Variants in IARS2 observed in about 807,000 individuals in gnomAD.
IARS2 encodes isoleucine--tRNA ligase, mitochondrial.
Under a neutral mutation model 126.3 loss-of-function variants are expected in IARS2, and 56 were observed. The observed-to-expected ratio is 0.44, with a 90% CI of 0.36 to 0.55. The LOEUF (loss-of-function observed/expected upper bound fraction) is 0.55, where lower values mean the gene tolerates loss of function less well. IARS2 is among the 20% of genes least tolerant of loss of function. The pLI is 0.00. For missense variants in IARS2, 1,127 were observed against 1,245.9 expected, an observed-to-expected ratio of 0.90 and a Z score of 1.44; for synonymous variants, 407 against 441.1, an observed-to-expected ratio of 0.92 and a Z score of 0.97.
chr1:220,145,586 T>C lies in IARS2; in HGVS notation c.2829T>C (p.Ala943=). The change falls in exon 22 of 23, where the codon GCT becomes GCC. Residue 943 remains alanine, a synonymous_variant. Transcript: ENST00000366922. ...LMMASESTLL[A]QEPREMTADV... is the part of the protein sequence containing the mutation. ...TGGCTTCTGAGTCAACTTTACTGGC[T>C]CAGGAACCACGAGAGATGACTGCAG... 6.2e-7 allele frequency: 1 copy of C among 1,613,866 alleles called. No homozygotes were observed. The highest frequency in any genetic ancestry group is 8.5e-7 in the Non-Finnish European group (1 of 1,179,834).
chr1:220,132,681 A>G (rs183046521), intron 14 of IARS2, among the ~76,000 whole-genome samples: 1 of 151,590 alleles, frequency 6.6e-6, no homozygotes, highest in Non-Finnish European at 1.5e-5. Context: ...GCCCGCCACC[A>G]TGCCTGGCTA....
chr1:220,134,955 G>C (rs1258430852), intron 15 of IARS2: 2 of 152,162 alleles, frequency 1.3e-5, no homozygotes, highest in Admixed American at 6.6e-5. Flanking sequence ...TTTTTTAGAG[G>C]TGCGTTCTCC....
At chr1:220,111,408 T>TA (rs1656796597) in intron 11 of IARS2, among the ~76,000 whole-genome samples, 2 of 151,976 alleles carry the variant, frequency 1.3e-5, no homozygotes, top group African/African-American at 4.8e-5. Flanking sequence ...TACAATCAAT[T>TA]AAAAAAGTTA....
At chr1:220,135,659 C>T (rs956692234) in intron 15 of IARS2, among the ~76,000 whole-genome samples, 11 of 150,938 alleles carry the variant, frequency 7.3e-5, no homozygotes, top group Non-Finnish European at 1.5e-4. Flanking sequence ...CACGCCTGGC[C>T]CTTTTACATG....
In IARS2 at chr1:220,114,317, T is replaced by A. The variant is rs1160682667; in HGVS notation, c.1483T>A (p.Leu495Met). The change falls in exon 12 of 23, where the codon TTG (leucine) becomes ATG (methionine). Residue 495 changes from leucine (L) to methionine (M), a missense_variant. Physicochemically the swap from Leu to Met is conservative, Grantham distance 15. Transcript: ENST00000366922. ...ITDIKTAAKELLKKVKFIPGS... is the reference protein window; with the variant it reads ...ITDIKTAAKEMLKKVKFIPGS... ...TTGATTTATGAATTAATTGCAGGAA[T>A]TGTTAAAAAAGGTGAAATTTATTCC... The A allele has an allele frequency of 6.2e-7, 1 of 1,612,900 alleles. No individual in the cohort carries two copies. Among genetic ancestry groups the A allele is most frequent in the South Asian group, 1.1e-5 (1 of 91,062 alleles).
At chr1:220,123,058 T>C (rs1231035264) in intron 12 of IARS2, among the ~76,000 whole-genome samples, 2 of 151,952 alleles carry the variant, frequency 1.3e-5, no homozygotes, top group African/African-American at 2.4e-5. Context: ...TGTACTTTAC[T>C]AGTATCTCTC....
At chr1:220,118,733 T>A (rs1656978416) in intron 12 of IARS2, among the ~76,000 whole-genome samples, 1 of 152,070 alleles carries the variant, frequency 6.6e-6, no homozygotes, top group African/African-American at 2.4e-5. Context: ...TTAGTAAAAA[T>A]AGCCAAGGAA....
At chr1:220,109,127 A>G (rs528807127) in intron 10 of IARS2, among the ~76,000 whole-genome samples, 1 of 152,134 alleles carries the variant, frequency 6.6e-6, no homozygotes, top group African/African-American at 2.4e-5. Flanking sequence ...CCGGCCAGGC[A>G]CGGTGGCTCA....
At chr1:220,138,586 T>C (rs1657427335) in intron 17 of IARS2, among the ~76,000 whole-genome samples, 1 of 151,488 alleles carries the variant, frequency 6.6e-6, no homozygotes, top group Non-Finnish European at 1.5e-5. Flanking sequence ...ATATAAAATG[T>C]AATATAGCAT....
chr1:220,122,226 G>C (rs1264642769), intron 12 of IARS2, among the ~76,000 whole-genome samples: 1 of 151,866 alleles, frequency 6.6e-6, no homozygotes, highest in Non-Finnish European at 1.5e-5. Context: ...CACTTTTTCC[G>C]ATGTTTATAG....
At chr1:220,096,879 T>C (rs1656454856) in intron 2 of IARS2, among the ~76,000 whole-genome samples, 1 of 152,064 alleles carries the variant, frequency 6.6e-6, no homozygotes, top group African/African-American at 2.4e-5. Flanking sequence ...ACCCCGTCTC[T>C]ACTAAAAATA....
At position 220,100,465 on chromosome 1, in the gene IARS2, G is replaced by A. The variant is rs185602064; in HGVS notation, c.391-25G>A. Reference sequence around the variant, plus strand: ...ATGGCCAAATATTTTATGTATGAATGATAATTATCATTTTATCTTTGCAGA... The same window carrying A: ...ATGGCCAAATATTTTATGTATGAATAATAATTATCATTTTATCTTTGCAGA... On this transcript the variant is annotated intron_variant, in intron 2 of 22. Transcript: ENST00000366922. 16 of 1,551,770 alleles carry A rather than the reference G, an allele frequency of 1.0e-5. No homozygotes were observed. In the East Asian group the frequency reaches 3.4e-4, roughly 33 times the overall value.
intron 14 of IARS2, among the ~76,000 whole-genome samples, chr1:220,127,696 T>G (rs1004177275): frequency 1.2e-4 from 18 of 152,172 alleles, no homozygotes; most frequent in Admixed American, 8.5e-4. Context: ...AAGTAGCTTG[T>G]CTATGAATCA....
At chr1:220,121,622 A>T (rs565525190) in intron 12 of IARS2, among the ~76,000 whole-genome samples, 27 of 152,216 alleles carry the variant, frequency 1.8e-4, no homozygotes, top group South Asian at 8.3e-4. Context: ...TATTTTTTTT[A>T]AAATAGATGT....
intron 12 of IARS2, among the ~76,000 whole-genome samples, chr1:220,120,818 CTTTA>C (rs1657034444): frequency 1.3e-5 from 2 of 152,070 alleles, no homozygotes; most frequent in Admixed American, 1.3e-4. Flanking sequence ...TTAAAATTAA[CTTTA>C]TTGTTTTAAA....
At chr1:220,146,449 C>T (rs544237137) in intron 22 of IARS2, among the ~76,000 whole-genome samples, 20 of 134,484 alleles carry the variant, frequency 1.5e-4, no homozygotes, top group African/African-American at 4.5e-4. Flanking sequence ...ACCCCGGAGG[C>T]GGAGCTTGCA....
At position 220,136,828 on chromosome 1, in the gene IARS2, T is replaced by C. The variant is rs1657387244; in HGVS notation, c.1966T>C (p.Phe656Leu). Residue 656 changes from phenylalanine (F) to leucine (L), a missense_variant, in exon 16 of 23, where the codon TTT becomes CTT. By Grantham distance (22) the Phe-to-Leu change is conservative (BLOSUM62 0). Transcript: ENST00000366922. ...APYKTVIVHGFTLGEKGEKMS... is the reference protein window; with the variant it reads ...APYKTVIVHGLTLGEKGEKMS... The stretch of plus-strand genomic sequence containing the variant: ...CTTTAGGACAGTGATTGTTCATGGA[T>C]TTACCCTTGGAGAAAAGGGAGAAAA... 2 of 1,604,354 alleles carry C rather than the reference T, an allele frequency of 1.2e-6. No homozygotes were observed. The highest frequency in any genetic ancestry group is 1.7e-6 in the Non-Finnish European group (2 of 1,171,734).
intron 7 of IARS2, among the ~76,000 whole-genome samples, 159 bp from the exon 8 acceptor site, chr1:220,103,288 T>G (rs1411091999): frequency 6.6e-6 from 1 of 152,190 alleles, no homozygotes; most frequent in East Asian, 1.9e-4. Flanking sequence ...CCTCAGGTGA[T>G]CCACCTGCCT....
intron 21 of IARS2, 133 bp downstream of exon 21, chr1:220,143,267 T>C (rs766146665): frequency 1.6e-5 from 8 of 491,696 alleles, no homozygotes; most frequent in Non-Finnish European, 2.4e-5. Flanking sequence ...ATTATTCTAT[T>C]ATGTTCCTTT....
Sources: gnomAD v4.1 joint callset for allele counts (sites outside exome capture counted in the v4.1 genomes callset) on GRCh38, gnomAD v4.1.1 for gene constraint, MANE v1.5 for transcripts, NCBI Gene and HGNC (gene_info 2026-07-23, HGNC 2026-07-21) for gene names.